Variants in CD36 observed in about 807,000 individuals in gnomAD.
CD36 encodes platelet glycoprotein 4.
CD36 carries 119 observed loss-of-function variants against 55.2 expected under a neutral mutation model. That is an observed-to-expected ratio of 2.15 (90% confidence interval 1.86 to 2.51). The LOEUF is 2.51. Among genes scored for constraint, CD36 ranks in the 30% most tolerant of loss-of-function variants. CD36 has a pLI of 0.00. For synonymous variants in CD36, 186 were observed against 193.6 expected, an observed-to-expected ratio of 0.96 and a Z score of 0.33; for missense variants, 819 against 555.5, an observed-to-expected ratio of 1.47 and a Z score of -4.77.
Position 80,663,071 on chromosome 7 carries a change from C to T in CD36, c.511C>T (p.Gln171Ter). The change falls in exon 6 of 15, where the codon CAA becomes TAA. Residue 171 changes from glutamine to a stop codon, truncating the protein, a stop_gained. Coordinates refer to ENST00000447544, the MANE Select transcript of CD36 (RefSeq NM_001001548.3). LOFTEE classifies it high-confidence loss of function. Reference sequence around the variant, plus strand: ...TAACAAGTCAAAATCTTCTATGTTCCAAGTCAGAACTTTGAGAGAACTGTT... The same window carrying T: ...TAACAAGTCAAAATCTTCTATGTTCTAAGTCAGAACTTTGAGAGAACTGTT... ...LINKSKSSMF[Q>*]VRTLRELLWG... is the part of the protein sequence containing the mutation. 1.2e-6 allele frequency: 2 copies of T among 1,613,052 alleles called. No homozygotes were observed. The highest frequency in any genetic ancestry group is 1.1e-5 in the South Asian group (1 of 91,072).
chr7:80,630,008 G>A (rs1472875868), intron 1 of CD36, among the ~76,000 whole-genome samples: 1 of 151,438 alleles, frequency 6.6e-6, no homozygotes, highest in Non-Finnish European at 1.5e-5. Context: ...ACCTAACCTA[G>A]ATGACATGGC....
chr7:80,651,252 G>A (rs1396303812), intron 3 of CD36, among the ~76,000 whole-genome samples: 2 of 152,004 alleles, frequency 1.3e-5, no homozygotes, highest in Admixed American at 6.5e-5. Context: ...GGAAGGGGGA[G>A]GAGAGCGGAG....
chr7:80,668,879 T>C (rs1018700603), intron 8 of CD36, among the ~76,000 whole-genome samples: 4 of 152,224 alleles, frequency 2.6e-5, no homozygotes, highest in African/African-American at 4.8e-5. Flanking sequence ...GTGATATTCA[T>C]GTGAGAAGTA....
intron 11 of CD36, 49 bp from the exon 12 acceptor site, chr7:80,672,721 A>AAAATAATGTTTT: frequency 7.7e-7 from 1 of 1,297,628 alleles, no homozygotes; most frequent in Non-Finnish European, 1.1e-6. Context: ...TGAATAGTAT[A>AAAATAATGTTTT]AAATAATGTT....
intron 4 of CD36, among the ~76,000 whole-genome samples, chr7:80,656,982 A>G (rs1349132531): frequency 6.6e-6 from 1 of 152,164 alleles, no homozygotes; most frequent in Admixed American, 6.6e-5. Flanking sequence ...TACCAGTATC[A>G]AATAACTTCC....
rs1798259555 is a variant in CD36, at chr7:80,679,266, T to C, written c.*2883T>C. ...TTTGTGAAAATAAAAACTTTTGTTA[T>C]TAGAAAAATGATTTTGCTTATTTTT... On this transcript the variant is annotated 3_prime_UTR_variant, in exon 15 of 15. Transcript: ENST00000447544. 1 of 152,206 alleles carries C rather than the reference T, an allele frequency of 6.6e-6. No homozygotes were observed. The highest frequency in any genetic ancestry group is 1.5e-5 in the Non-Finnish European group (1 of 68,022). 9.4% of individuals were successfully genotyped at this position (152,206 alleles called of 1,614,324 possible).
At chr7:80,613,098 T>C (rs892288453) in intron 1 of CD36, among the ~76,000 whole-genome samples, 2 of 152,098 alleles carry the variant, frequency 1.3e-5, no homozygotes, top group Non-Finnish European at 1.5e-5. Flanking sequence ...GATAAGGCTA[T>C]AAATAAACTT....
rs1797622346 is a variant in CD36 at position 80,671,051 on chromosome 7, A to C, written c.893A>C (p.Lys298Thr). ...GTGTATAGATTTGTTCTTCCATCCA[A>C]GGCCTTTGCCTCTCCAGTTGAAAAC... ...IPVYRFVLPS[K>T]AFASPVENPD... Residue 298 changes from lysine to threonine, a missense_variant, in exon 10 of 15, where the codon AAG becomes ACG. Physicochemically the swap from Lys to Thr is moderately conservative, Grantham distance 78 (BLOSUM62 -1). Coordinates refer to ENST00000447544, the MANE Select transcript of CD36 (RefSeq NM_001001548.3). 6.2e-7 allele frequency: 1 copy of C among 1,612,808 alleles called. No homozygotes were observed. Among genetic ancestry groups the C allele is most frequent in the South Asian group, 1.1e-5 (1 of 91,052 alleles).
intron 3 of CD36, 25 bp from the exon 4 acceptor site, chr7:80,656,515 C>A (rs1796083242): frequency 1.9e-6 from 3 of 1,610,792 alleles, no homozygotes; most frequent in Middle Eastern, 1.7e-4. Context: ...AAAGACATAA[C>A]CCAAACTTAT....
At chr7:80,608,298 A>G (rs1297244769) in intron 1 of CD36, among the ~76,000 whole-genome samples, 1 of 152,204 alleles carries the variant, frequency 6.6e-6, no homozygotes, top group Non-Finnish European at 1.5e-5. Flanking sequence ...AGTGCCTAGT[A>G]TTTAATGAGA....
At chr7:80,656,255 C>T (rs192178528) in intron 3 of CD36, among the ~76,000 whole-genome samples, 1 of 152,292 alleles carries the variant, frequency 6.6e-6, no homozygotes, top group Admixed American at 6.5e-5. Flanking sequence ...AAGCGTCACT[C>T]TAAAGCTTGC....
intron 4 of CD36, among the ~76,000 whole-genome samples, chr7:80,659,962 G>T (rs948803035): frequency 5.9e-5 from 9 of 151,908 alleles, no homozygotes; most frequent in Non-Finnish European, 1.3e-4. Context: ...CATTTACTGA[G>T]AACTCATTAT....
intron 4 of CD36, among the ~76,000 whole-genome samples, chr7:80,658,656 C>G (rs572523245): frequency 1.1e-4 from 16 of 152,204 alleles, no homozygotes; most frequent in Non-Finnish European, 2.1e-4. Flanking sequence ...CTATACCCAG[C>G]TAATTTTTAT....
chr7:80,617,734 A>C (rs2115857900), intron 1 of CD36, among the ~76,000 whole-genome samples: 1 of 152,182 alleles, frequency 6.6e-6, no homozygotes, highest in South Asian at 2.1e-4. Context: ...CTCCAAAAAA[A>C]AAAAAAAAAA....
chr7:80,630,982 T>C (rs760005122), intron 1 of CD36, among the ~76,000 whole-genome samples: 3 of 152,018 alleles, frequency 2.0e-5, no homozygotes, highest in Non-Finnish European at 4.4e-5. Flanking sequence ...CACTGTAGAA[T>C]AGAACAGTTT....
intron 3 of CD36, among the ~76,000 whole-genome samples, chr7:80,652,504 C>T (rs557546191): frequency 6.6e-5 from 10 of 152,290 alleles, no homozygotes; most frequent in African/African-American, 2.4e-4. Context: ...TCAACTTACA[C>T]ACACTTGCAT....
rs751206342 is a variant in CD36 at position 80,663,210 on chromosome 7, TTTAA to T, written c.609+48_609+51del. The T allele has an allele frequency of 2.7e-6, 4 of 1,503,568 alleles. No individual in the cohort carries two copies. In the South Asian group the frequency reaches 3.4e-5, roughly 13 times the overall value. The allele number at this position is 1,503,568 out of a possible 1,614,324, so 93.1% of individuals were successfully genotyped here. A position where few individuals can be genotyped will look rare whatever the true frequency, so the allele number is the denominator to read the frequency against. ...GAATGGCAATATTATTACATTTTAA[TTTAA>T]TTAATTCAATGGCATTGGCAAGGCA... On this transcript the variant is annotated intron_variant, in intron 6 of 14. Coordinates refer to ENST00000447544, the MANE Select transcript of CD36 (RefSeq NM_001001548.3).
chr7:80,646,568 C>A, intron 2 of CD36, 84 bp from the exon 3 acceptor site: 1 of 729,578 alleles, frequency 1.4e-6, no homozygotes, highest in Non-Finnish European at 2.3e-6. Context: ...CAAAATGATA[C>A]GTTTCAGTGG....
chr7:80,628,858 C>G (rs1321670857), intron 1 of CD36, among the ~76,000 whole-genome samples: 2 of 152,000 alleles, frequency 1.3e-5, no homozygotes, highest in Non-Finnish European at 2.9e-5. Context: ...CAGGACAACT[C>G]AAAGTTGGCA....
Sources: gnomAD v4.1 joint callset for allele counts (sites outside exome capture counted in the v4.1 genomes callset) on GRCh38, gnomAD v4.1.1 for gene constraint, MANE v1.5 for transcripts, NCBI Gene and HGNC (gene_info 2026-07-23, HGNC 2026-07-21) for gene names.